NR2E1: variants seen among roughly 807,000 people sequenced by gnomAD.
NR2E1 encodes nuclear receptor TLX.
A neutral mutation model predicts 43.6 loss-of-function variants in NR2E1; 5 were observed. The ratio of observed to expected loss-of-function variants is 0.11; its 90% CI spans 0.06 to 0.24. The LOEUF (loss-of-function observed/expected upper bound fraction) is 0.24, where lower values mean the gene tolerates loss of function less well. Among genes scored for constraint, NR2E1 ranks in the 10% least tolerant of loss-of-function variants. NR2E1 has a pLI of 1.00. For synonymous variants in NR2E1, 191 were observed against 195.5 expected, an observed-to-expected ratio of 0.98 and a Z score of 0.19; for missense variants, 287 against 496.7, an observed-to-expected ratio of 0.58 and a Z score of 4.01.
intron 1 of NR2E1, among the ~76,000 whole-genome samples, chr6:108,167,054 G>A (rs557147620): frequency 8.5e-4 from 130 of 152,174 alleles, no homozygotes; most frequent in African/African-American, 3.0e-3. Context: ...CCCACCAGTC[G>A]GATGAGTTGT....
intron 5 of NR2E1, chr6:108,178,960 T>C (rs1411987038): frequency 6.6e-6 from 1 of 152,532 alleles, no homozygotes; most frequent in Non-Finnish European, 1.5e-5. Context: ...TTTCTAACCT[T>C]AAAGGAAAGA....
At chr6:108,176,899 T>C (rs1181598747) in intron 4 of NR2E1, among the ~76,000 whole-genome samples, 161 bp downstream of exon 4, 1 of 152,222 alleles carries the variant, frequency 6.6e-6, no homozygotes, top group Non-Finnish European at 1.5e-5. Context: ...TGCTCTCCCT[T>C]GTTCAGCCAG....
In NR2E1 at chr6:108,169,758, A is replaced by G. The variant is rs1475096766; in HGVS notation, c.26-1700A>G. Among the ~76,000 whole-genome samples, 2 of 151,910 alleles carry G rather than the reference A, an allele frequency of 1.3e-5. No homozygotes were observed. Among genetic ancestry groups the G allele is most frequent in the East Asian group, 3.9e-4 (2 of 5,120 alleles). On this transcript the variant is annotated intron_variant, in intron 1 of 8. Transcript: ENST00000368986. This position sits in a 1 kb window ranked among gnomAD's most constrained non-coding sequence, Gnocchi z 6.1. Reference sequence around the variant, plus strand: ...CTCTCCAGCCCCTCCCTCCCACAGCACAATCTCCCCTCCCGCCCTGTGGGA... The same window carrying G: ...CTCTCCAGCCCCTCCCTCCCACAGCGCAATCTCCCCTCCCGCCCTGTGGGA...
chr6:108,166,902 G>A lies in NR2E1; in HGVS notation c.25+112G>A. ...GCTGCGAATCTGAGCCCCTGAGAGGGATTCCAGCGGGCGTGTGCGTTCGGC... is the reference window on the plus strand; with the variant it reads ...GCTGCGAATCTGAGCCCCTGAGAGGAATTCCAGCGGGCGTGTGCGTTCGGC... On this transcript the variant is annotated intron_variant, in intron 1 of 8. Coordinates refer to ENST00000368986, the MANE Select transcript of NR2E1 (RefSeq NM_003269.5). The surrounding 1 kb of genome is among the most constrained non-coding windows in gnomAD (Gnocchi z 7.2). The A allele has an allele frequency of 1.7e-6, 2 of 1,144,398 alleles. No homozygotes were observed. The highest frequency in any genetic ancestry group is 2.5e-6 in the Non-Finnish European group (2 of 789,998). 70.9% of individuals were successfully genotyped at this position (1,144,398 alleles called of 1,614,324 possible). A position where few individuals can be genotyped will look rare whatever the true frequency, so the allele number is the denominator to read the frequency against.
At chr6:108,183,532 A>T (rs1774025058) in intron 8 of NR2E1, among the ~76,000 whole-genome samples, 1 of 152,190 alleles carries the variant, frequency 6.6e-6, no homozygotes, top group Non-Finnish European at 1.5e-5. Context: ...CATAATCTCA[A>T]CATCAGCTAT....
rs1405881270 is a variant in NR2E1 at position 108,188,053 on chromosome 6, CT to C, written c.*596del. The stretch of plus-strand genomic sequence containing the variant: ...ATGTGATTTGCTTTTTCTCTATCTT[CT>C]TTTTTCTTTTCTTTCTCTTTCTTTT... On this transcript the variant is annotated 3_prime_UTR_variant, in exon 9 of 9. Coordinates refer to ENST00000368986, the MANE Select transcript of NR2E1 (RefSeq NM_003269.5). 1 of 153,600 alleles carries C rather than the reference CT, an allele frequency of 6.5e-6. No homozygotes were observed. The highest frequency in any genetic ancestry group is 1.4e-5 in the Non-Finnish European group (1 of 68,986). The allele number at this position is 153,600 out of a possible 1,614,324, so 9.5% of individuals were successfully genotyped here.
chr6:108,170,582 G>T (rs1360994500), intron 1 of NR2E1, among the ~76,000 whole-genome samples: 1 of 151,774 alleles, frequency 6.6e-6, no homozygotes, highest in Non-Finnish European at 1.5e-5. Flanking sequence ...ACAGCCTAGA[G>T]AAATCAGTCA....
intron 8 of NR2E1, among the ~76,000 whole-genome samples, chr6:108,182,241 C>CAAAA (rs766203121): frequency 1.3e-4 from 10 of 74,252 alleles, no homozygotes; most frequent in Admixed American, 4.0e-4. Context: ...GACTCCGTCT[C>CAAAA]AAAAAAAAAA....
At position 108,187,731 on chromosome 6, in the gene NR2E1, G is replaced by A. The variant is rs142792213; in HGVS notation, c.*268G>A. 240 of 457,780 alleles carry A rather than the reference G, an allele frequency of 5.2e-4. No individual in the cohort carries two copies. Among genetic ancestry groups the A allele is most frequent in the African/African-American group, 4.4e-3 (224 of 50,678 alleles). 28.4% of individuals were successfully genotyped at this position (457,780 alleles called of 1,614,324 possible). ...CATGCCCTGGGAGGGGGCAAACTGG[G>A]GGTTGCCACAGGCCGTGCCATTCTG... is the stretch of plus-strand genomic sequence containing the variant. On this transcript the variant is annotated 3_prime_UTR_variant, in exon 9 of 9. Coordinates refer to ENST00000368986, the MANE Select transcript of NR2E1 (RefSeq NM_003269.5).
chr6:108,168,516 AGCG>A (rs1773751848), intron 1 of NR2E1, among the ~76,000 whole-genome samples: 1 of 152,230 alleles, frequency 6.6e-6, no homozygotes, highest in South Asian at 2.1e-4. Context: ...GAAAAACCAC[AGCG>A]GGCTCCTTGC....
At position 108,188,552 on chromosome 6, in the gene NR2E1, C is replaced by A. The variant is rs1774114055; in HGVS notation, c.*1089C>A. On this transcript the variant is annotated 3_prime_UTR_variant, in exon 9 of 9. Coordinates refer to ENST00000368986, the MANE Select transcript of NR2E1 (RefSeq NM_003269.5). ...ACACACACACACACACACACACACA[C>A]CGTCCTACACTTTAAGCTGCTCCTT... The A allele has an allele frequency of 6.7e-6, 1 of 150,032 alleles. No individual in the cohort carries two copies. Among genetic ancestry groups the A allele is most frequent in the African/African-American group, 2.5e-5 (1 of 40,558 alleles). 9.3% of individuals were successfully genotyped at this position (150,032 alleles called of 1,614,324 possible).
At chr6:108,167,391 G>C (rs1349354864) in intron 1 of NR2E1, among the ~76,000 whole-genome samples, 1 of 152,138 alleles carries the variant, frequency 6.6e-6, no homozygotes, top group Admixed American at 6.5e-5. Flanking sequence ...AGGACTTTTC[G>C]AGCCGGAGCC....
In NR2E1 at chr6:108,169,445, C is replaced by T. The variant is rs1773768119; in HGVS notation, c.26-2013C>T. ...GGGAAGTGGGGAAAAAGAGACCCCACCACTGCTCCTCCCACTCACTCATCT... is the reference window on the plus strand; with the variant it reads ...GGGAAGTGGGGAAAAAGAGACCCCATCACTGCTCCTCCCACTCACTCATCT... On this transcript the variant is annotated intron_variant, in intron 1 of 8. Transcript: ENST00000368986. The surrounding 1 kb of genome is among the most constrained non-coding windows in gnomAD (Gnocchi z 6.1). 6.6e-6 allele frequency among the ~76,000 whole-genome samples: 1 copy of T among 152,178 alleles called. No homozygotes were observed. Among genetic ancestry groups the T allele is most frequent in the Non-Finnish European group, 1.5e-5 (1 of 68,032 alleles).
In NR2E1 at chr6:108,166,866, C is replaced by T. The variant is rs1773717481; in HGVS notation, c.25+76C>T. On this transcript the variant is annotated intron_variant, in intron 1 of 8. Transcript: ENST00000368986. The surrounding 1 kb of genome is among the most constrained non-coding windows in gnomAD (Gnocchi z 7.2). ...GCGAGCGGGGAGGCTGGGGGAGGTCCTGCCTGGAGCGCTGCGAATCTGAGC... is the reference window on the plus strand; with the variant it reads ...GCGAGCGGGGAGGCTGGGGGAGGTCTTGCCTGGAGCGCTGCGAATCTGAGC... 2 of 1,438,008 alleles carry T rather than the reference C, an allele frequency of 1.4e-6. No individual in the cohort carries two copies. The highest frequency in any genetic ancestry group is 1.9e-6 in the Non-Finnish European group (2 of 1,050,210). 89.1% of individuals were successfully genotyped at this position (1,438,008 alleles called of 1,614,324 possible). A position where few individuals can be genotyped will look rare whatever the true frequency, so the allele number is the denominator to read the frequency against.
At chr6:108,167,002 T>TC (rs1773720175) in intron 1 of NR2E1, among the ~76,000 whole-genome samples, 1 of 151,388 alleles carries the variant, frequency 6.6e-6, no homozygotes, top group African/African-American at 2.4e-5. Context: ...GATTGCTTGA[T>TC]CCCCCCTGTC....
chr6:108,178,171 G>T lies in NR2E1; in HGVS notation c.572G>T (p.Arg191Ile). The change falls in exon 5 of 9, where the codon AGA (arginine) becomes ATA (isoleucine). Residue 191 changes from arginine (R) to isoleucine (I), a missense_variant. By Grantham distance (97) the Arg-to-Ile change is moderately conservative. Transcript: ENST00000368986. ...ATESVCESAA[R>I]LLFMSIKWAK... ...GAGTCGGTGTGTGAATCAGCTGCCAGACTTCTCTTCATGAGCATCAAGTGG... is the reference window on the plus strand; with the variant it reads ...GAGTCGGTGTGTGAATCAGCTGCCATACTTCTCTTCATGAGCATCAAGTGG... 1 of 1,614,198 alleles carries T rather than the reference G, an allele frequency of 6.2e-7. No individual in the cohort carries two copies. The highest frequency in any genetic ancestry group is 8.5e-7 in the Non-Finnish European group (1 of 1,180,040).
rs138726355 is a variant in NR2E1, at chr6:108,180,594, T to C, written c.739+175T>C. Among the ~76,000 whole-genome samples, 25 of 152,390 alleles carry C rather than the reference T, an allele frequency of 1.6e-4. No homozygotes were observed. The East Asian group carries it at 4.8e-3, about 29-fold the overall frequency. On this transcript the variant is annotated intron_variant, in intron 6 of 8. Transcript: ENST00000368986. The surrounding 1 kb of genome is among the most constrained non-coding windows in gnomAD (Gnocchi z 5.4). ...GTTGTTTTGTTGTATTCATGACTGC[T>C]TGCATTGTTATTTAAATGCAAATTA...
chr6:108,168,203 T>C (rs777245314), intron 1 of NR2E1: 2 of 1,549,256 alleles, frequency 1.3e-6, no homozygotes, highest in East Asian at 4.6e-5. Flanking sequence ...TTCCCGGGCG[T>C]GAGTGTCCTT....
At chr6:108,179,545 T>G (rs1320598731) in intron 5 of NR2E1, among the ~76,000 whole-genome samples, 1 of 142,068 alleles carries the variant, frequency 7.0e-6, no homozygotes, top group Non-Finnish European at 1.5e-5. Flanking sequence ...GACTGGCTAT[T>G]TTTTTTCAAA....
Sources: gnomAD v4.1 joint callset for allele counts (sites outside exome capture counted in the v4.1 genomes callset) on GRCh38, gnomAD v4.1.1 for gene constraint, Gnocchi (gnomAD v3.1) non-coding constraint, MANE v1.5 for transcripts, NCBI Gene and HGNC (gene_info 2026-07-23, HGNC 2026-07-21) for gene names.